Variants in KSR2 observed in about 807,000 individuals in gnomAD.
The protein encoded by KSR2 is kinase suppressor of ras 2.
A neutral mutation model predicts 107.8 loss-of-function variants in KSR2; 25 were observed. The observed-to-expected ratio is 0.23, with a 90% CI of 0.17 to 0.32. The LOEUF (loss-of-function observed/expected upper bound fraction) is 0.32, where lower values mean the gene tolerates loss of function less well. KSR2 is among the 10% of genes least tolerant of loss of function. KSR2 has a pLI of 1.00. For missense variants in KSR2, 887 were observed against 1,268.9 expected, an observed-to-expected ratio of 0.70 and a Z score of 4.57; for synonymous variants, 480 against 507.0, an observed-to-expected ratio of 0.95 and a Z score of 0.71.
At chr12:117,705,972 G>GACC (rs1886509815) in intron 4 of KSR2, among the ~76,000 whole-genome samples, 1 of 151,740 alleles carries the variant, frequency 6.6e-6, no homozygotes, top group Non-Finnish European at 1.5e-5. Flanking sequence ...GTGAGGTGCT[G>GACC]ACCATGGTGT....
chr12:117,909,627 G>T (rs552990775), intron 1 of KSR2, among the ~76,000 whole-genome samples: 51 of 152,238 alleles, frequency 3.4e-4, no homozygotes, highest in African/African-American at 1.2e-3. Context: ...CCAAGGGAGG[G>T]TGTGGTGGCT....
At chr12:117,779,832 C>T (rs940599898) in intron 3 of KSR2, among the ~76,000 whole-genome samples, 84 of 152,118 alleles carry the variant, frequency 5.5e-4, no homozygotes, top group Non-Finnish European at 1.1e-3. Context: ...TATAAATTAC[C>T]CAGTCTTGAG....
At chr12:117,557,668 G>T (rs1366016952) in intron 8 of KSR2, among the ~76,000 whole-genome samples, 1 of 152,184 alleles carries the variant, frequency 6.6e-6, no homozygotes, top group South Asian at 2.1e-4. Flanking sequence ...TGGTGGGACT[G>T]AGTAATTAAA....
At chr12:117,504,635 CA>C (rs1043446159) in intron 14 of KSR2, among the ~76,000 whole-genome samples, 1 of 151,908 alleles carries the variant, frequency 6.6e-6, no homozygotes, top group Admixed American at 6.6e-5. Flanking sequence ...TGTGCTTTTG[CA>C]TGCTCTGGGA....
chr12:117,596,052 TCCCTC>T (rs938469050), intron 5 of KSR2, among the ~76,000 whole-genome samples: 7 of 147,670 alleles, frequency 4.7e-5, no homozygotes, highest in African/African-American at 1.3e-4. Context: ...CTTTTTCCCT[TCCCTC>T]CCCTCCCCTC....
chr12:117,860,366 G>A lies in KSR2; in HGVS notation c.246C>T (p.Arg82=), dbSNP rs776884629. 1.4e-5 allele frequency: 22 copies of A among 1,613,776 alleles called. No homozygotes were observed. In the East Asian group the frequency reaches 4.9e-4, roughly 36 times the overall value. Reference sequence around the variant, plus strand: ...GGGGGAAGCCGTCCAGCTCCGCGTTGCGCTCCTGCAAGGCTACCTTCTTTT... The same window carrying A: ...GGGGGAAGCCGTCCAGCTCCGCGTTACGCTCCTGCAAGGCTACCTTCTTTT... The part of the protein sequence containing the change: ...SCKKKVALQE[R]NAELDGFPQL... Residue 82 remains arginine, a synonymous_variant, in exon 2 of 20, where the codon CGC becomes CGT. Coordinates refer to ENST00000339824, the MANE Select transcript of KSR2 (RefSeq NM_173598.6).
At chr12:117,947,190 A>C (rs61328694) in intron 1 of KSR2, among the ~76,000 whole-genome samples, 1 of 93,296 alleles carries the variant, frequency 1.1e-5, no homozygotes, top group Non-Finnish European at 2.3e-5. Flanking sequence ...AAGAAAGAAA[A>C]GAAAGAAAAG....
chr12:117,489,264 T>C (rs1048212816), intron 14 of KSR2, among the ~76,000 whole-genome samples: 1 of 152,062 alleles, frequency 6.6e-6, no homozygotes, highest in African/African-American at 2.4e-5. Flanking sequence ...ACATACTTAG[T>C]GGAAACTCAT....
chr12:117,834,936 G>A (rs376735154), intron 3 of KSR2, among the ~76,000 whole-genome samples: 6 of 152,222 alleles, frequency 3.9e-5, no homozygotes, highest in East Asian at 1.9e-4. Flanking sequence ...AGTAACAACA[G>A]TTAGAAGCTG....
intron 1 of KSR2, among the ~76,000 whole-genome samples, chr12:117,948,504 A>T (rs1206118099): frequency 1.3e-5 from 2 of 151,982 alleles, no homozygotes; most frequent in African/African-American, 4.8e-5. Flanking sequence ...AAAAAAAAAA[A>T]ATTATAATAA....
chr12:117,818,271 C>A (rs1478437805), intron 3 of KSR2, among the ~76,000 whole-genome samples: 1 of 152,090 alleles, frequency 6.6e-6, no homozygotes, highest in Non-Finnish European at 1.5e-5. Flanking sequence ...GATCACCGAT[C>A]CTTAATCCCC....
intron 7 of KSR2, among the ~76,000 whole-genome samples, chr12:117,567,506 G>A (rs1353162998): frequency 6.6e-6 from 1 of 151,978 alleles, no homozygotes; most frequent in Admixed American, 6.6e-5. Flanking sequence ...TAAACAGGGA[G>A]GGGAATGCTG....
chr12:117,761,118 G>T lies in KSR2; in HGVS notation c.879C>A (p.Pro293=). 1 of 1,613,396 alleles carries T rather than the reference G, an allele frequency of 6.2e-7. No homozygotes were observed. The highest frequency in any genetic ancestry group is 8.5e-7 in the Non-Finnish European group (1 of 1,179,536). The change falls in exon 4 of 20, where the codon CCC becomes CCA. Residue 293 remains proline (P), a synonymous_variant. Coordinates refer to ENST00000339824, the MANE Select transcript of KSR2 (RefSeq NM_173598.6). Reference sequence around the variant, plus strand: ...TCAAGTGTATCAGTTTTCGGGAGGAGGGCGGTGGGGTCCCCGGGGGCTTCA... The same window carrying T: ...TCAAGTGTATCAGTTTTCGGGAGGATGGCGGTGGGGTCCCCGGGGGCTTCA... ...NKLKPPGTPP[P]SSRKLIHLIP...
chr12:117,772,050 AAC>A (rs1001187416), intron 3 of KSR2, among the ~76,000 whole-genome samples: 15 of 143,256 alleles, frequency 1.0e-4, no homozygotes, highest in Admixed American at 8.4e-4. Context: ...AAGACGCACA[AAC>A]ACACACACAT....
At chr12:117,687,847 G>A (rs1217325829) in intron 4 of KSR2, among the ~76,000 whole-genome samples, 1 of 152,030 alleles carries the variant, frequency 6.6e-6, no homozygotes, top group Non-Finnish European at 1.5e-5. Context: ...TCTAGTAGTG[G>A]TCCCTCCCAA....
chr12:117,876,233 G>A (rs1893845023), intron 1 of KSR2, among the ~76,000 whole-genome samples: 2 of 152,232 alleles, frequency 1.3e-5, no homozygotes, highest in South Asian at 2.1e-4. Context: ...GCTGACGGGG[G>A]AGAGAATTAT....
chr12:117,589,436 G>C (rs1880193077), intron 5 of KSR2, among the ~76,000 whole-genome samples: 1 of 152,146 alleles, frequency 6.6e-6, no homozygotes, highest in Non-Finnish European at 1.5e-5. Context: ...TTGAACCCAA[G>C]AGCTCATCCT....
At chr12:117,849,313 A>G (rs889911279) in intron 3 of KSR2, among the ~76,000 whole-genome samples, 3 of 152,150 alleles carry the variant, frequency 2.0e-5, no homozygotes, top group African/African-American at 7.2e-5. Flanking sequence ...AGCCCCCCAC[A>G]CTAGAAAGTA....
At chr12:117,763,154 C>T (rs1244551474) in intron 3 of KSR2, among the ~76,000 whole-genome samples, 3 of 151,258 alleles carry the variant, frequency 2.0e-5, no homozygotes, top group Non-Finnish European at 4.4e-5. Context: ...GGTTTTTTGT[C>T]CTTGCGATAG....
Sources: allele counts gnomAD v4.1 joint callset (sites outside exome capture counted in the v4.1 genomes callset), GRCh38; gene constraint gnomAD v4.1.1; transcripts MANE v1.5; gene names NCBI Gene and HGNC (gene_info 2026-07-23, HGNC 2026-07-21).